Variants in GPR158 observed in about 807,000 individuals in gnomAD.
GPR158 encodes the protein metabotropic glycine receptor.
Under a neutral mutation model 78.2 loss-of-function variants are expected in GPR158, and 30 were observed. The observed-to-expected ratio is 0.38, with a 90% CI of 0.29 to 0.52. The LOEUF (loss-of-function observed/expected upper bound fraction) is 0.52, where lower values mean the gene tolerates loss of function less well. GPR158 is among the 20% of genes least tolerant of loss of function. The probability of loss-of-function intolerance (pLI) is 0.83; values close to 1 mark genes in which losing one functional copy is unlikely to be tolerated. For missense variants in GPR158, 1,463 were observed against 1,523.5 expected (o/e 0.96, Z 0.66); for synonymous variants, 581 against 591.1 (o/e 0.98, Z 0.25).
At chr10:25,360,411 T>C (rs897621158) in intron 2 of GPR158, among the ~76,000 whole-genome samples, 2 of 152,194 alleles carry the variant, frequency 1.3e-5, no homozygotes, top group Non-Finnish European at 2.9e-5. Context: ...TTAATCCATC[T>C]TGAGTTATTT....
intron 4 of GPR158, among the ~76,000 whole-genome samples, chr10:25,449,857 A>T (rs527354599): frequency 1.6e-4 from 25 of 152,292 alleles, no homozygotes; most frequent in African/African-American, 5.8e-4. Flanking sequence ...TAAAATTTTT[A>T]AAAAATTTAT....
chr10:25,514,607 G>A (rs930153050), intron 5 of GPR158, among the ~76,000 whole-genome samples: 1 of 151,996 alleles, frequency 6.6e-6, no homozygotes, highest in Non-Finnish European at 1.5e-5. Flanking sequence ...TTGTTATATA[G>A]GCCCTGTGAG....
chr10:25,575,335 T>G (rs1263687268), intron 7 of GPR158, among the ~76,000 whole-genome samples: 1 of 152,086 alleles, frequency 6.6e-6, no homozygotes, highest in Non-Finnish European at 1.5e-5. Context: ...TATTTTGGTT[T>G]TTTTGTTTTT....
At chr10:25,477,298 A>C (rs1211449966) in intron 5 of GPR158, among the ~76,000 whole-genome samples, 1 of 152,106 alleles carries the variant, frequency 6.6e-6, no homozygotes, top group East Asian at 1.9e-4. Context: ...CCAAGTTTTA[A>C]TCCATTACTA....
chr10:25,438,923 A>G (rs1835032974), intron 4 of GPR158, among the ~76,000 whole-genome samples: 1 of 152,244 alleles, frequency 6.6e-6, no homozygotes, highest in Non-Finnish European at 1.5e-5. Flanking sequence ...TGAAAATTAT[A>G]TGAAATTCAG....
chr10:25,280,277 A>G (rs1854249563), intron 2 of GPR158, among the ~76,000 whole-genome samples: 1 of 152,208 alleles, frequency 6.6e-6, no homozygotes, highest in Admixed American at 6.5e-5. Flanking sequence ...ATAAGGATGA[A>G]AAAAGATATG....
chr10:25,597,182 A>G (rs1837419274), intron 10 of GPR158, among the ~76,000 whole-genome samples: 1 of 152,248 alleles, frequency 6.6e-6, no homozygotes, highest in East Asian at 1.9e-4. Context: ...ATTATTTAAA[A>G]TAATCTATGA....
chr10:25,214,921 G>A (rs1009690289), intron 1 of GPR158, among the ~76,000 whole-genome samples: 10 of 152,226 alleles, frequency 6.6e-5, no homozygotes, highest in East Asian at 3.9e-4. Context: ...TAAATCACCC[G>A]GTCTGAGATA....
At chr10:25,270,516 T>C (rs781276116) in intron 2 of GPR158, among the ~76,000 whole-genome samples, 10 of 152,114 alleles carry the variant, frequency 6.6e-5, no homozygotes, top group Non-Finnish European at 1.2e-4. Flanking sequence ...AACTGTCTAC[T>C]TTTGGCTGTC....
Position 25,176,177 on chromosome 10 carries a change from A to G in GPR158, c.757A>G (p.Lys253Glu). The G allele has an allele frequency of 6.3e-7, 1 of 1,581,930 alleles. No individual in the cohort carries two copies. ...GGGCCTGGGCCACAGCTGGCGGCGC[A>G]AGGACGGGCTCGGCGGGGACAAGAG... ...PRGLGHSWRR[K>E]DGLGGDKSHF... The change falls in exon 1 of 11, where the codon AAG becomes GAG. Residue 253 changes from lysine (K) to glutamate (E), a missense_variant. Coordinates refer to ENST00000376351, the MANE Select transcript of GPR158 (RefSeq NM_020752.3). This position sits in a 1 kb window ranked among gnomAD's most constrained non-coding sequence, Gnocchi z 6.3.
intron 2 of GPR158, among the ~76,000 whole-genome samples, chr10:25,351,430 G>A (rs1049090899): frequency 1.8e-4 from 26 of 148,536 alleles, no homozygotes; most frequent in Non-Finnish European, 2.1e-4. Context: ...GGAGTTGGGG[G>A]TGGGGGGGTG....
At chr10:25,430,667 T>G (rs1451293069) in intron 4 of GPR158, among the ~76,000 whole-genome samples, 1 of 147,850 alleles carries the variant, frequency 6.8e-6, no homozygotes, top group African/African-American at 2.5e-5. Context: ...AACAGAGATA[T>G]AGATCAATGG....
At chr10:25,341,859 A>G (rs112316686) in intron 2 of GPR158, among the ~76,000 whole-genome samples, 1 of 151,754 alleles carries the variant, frequency 6.6e-6, no homozygotes, top group Non-Finnish European at 1.5e-5. Context: ...AAAACAAAAA[A>G]AAACAGAGCA....
rs138507116 is a variant in GPR158, at chr10:25,222,430, C to G, written c.1008+1273C>G. 4.7e-3 allele frequency among the ~76,000 whole-genome samples: 720 copies of G among 151,882 alleles called. 5 individuals carry two copies. Among genetic ancestry groups the G allele is most frequent in the African/African-American group, 0.015 (633 of 41,396 alleles). ...CATCAATACATTCCCACAGCCCCCC[C>G]ATTCCCTCACATCCACACACTTCCT... On this transcript the variant is annotated intron_variant, in intron 2 of 10. Transcript: ENST00000376351.
chr10:25,404,939 G>A (rs1259275942), intron 3 of GPR158, among the ~76,000 whole-genome samples: 2 of 151,978 alleles, frequency 1.3e-5, no homozygotes, highest in Non-Finnish European at 2.9e-5. Context: ...TCCACCTTTG[G>A]ACAGCACATG....
chr10:25,552,404 C>T (rs182554796), intron 6 of GPR158, among the ~76,000 whole-genome samples: 1 of 152,242 alleles, frequency 6.6e-6, no homozygotes, highest in East Asian at 1.9e-4. Flanking sequence ...CAATGACAGC[C>T]CATGTGGACA....
At chr10:25,382,841 TA>T (rs1834174110) in intron 2 of GPR158, among the ~76,000 whole-genome samples, 2 of 152,082 alleles carry the variant, frequency 1.3e-5, no homozygotes, top group Admixed American at 6.6e-5. Flanking sequence ...TTTATTTATT[TA>T]TTTTTTTGAG....
At chr10:25,355,822 G>A (rs1398633199) in intron 2 of GPR158, among the ~76,000 whole-genome samples, 1 of 152,058 alleles carries the variant, frequency 6.6e-6, no homozygotes, top group Admixed American at 6.6e-5. Flanking sequence ...AGTGTGGAAA[G>A]GCTGGCTATG....
intron 5 of GPR158, among the ~76,000 whole-genome samples, chr10:25,469,085 T>G (rs1477874099): frequency 6.6e-6 from 1 of 152,190 alleles, no homozygotes; most frequent in Non-Finnish European, 1.5e-5. Context: ...CCCTGCTCCA[T>G]CTCAGCCTGC....
Sources: allele counts gnomAD v4.1 joint callset (sites outside exome capture counted in the v4.1 genomes callset), GRCh38; gene constraint gnomAD v4.1.1; non-coding constraint Gnocchi (gnomAD v3.1); transcripts MANE v1.5; gene names NCBI Gene and HGNC (gene_info 2026-07-23, HGNC 2026-07-21).